The following GJB7 variants were observed in gnomAD, a reference collection of about 807,000 sequenced individuals.
GJB7 encodes the protein gap junction protein beta 7.
For missense variants in GJB7, 253 were observed against 256.8 expected, an observed-to-expected ratio of 0.99 and a Z score of 0.10; for synonymous variants, 87 against 95.2, an observed-to-expected ratio of 0.91 and a Z score of 0.50.
In GJB7 at chr6:87,284,165, T is replaced by C. The variant is rs1437927181; in HGVS notation, c.*76A>G. 1 of 1,211,338 alleles carries C rather than the reference T, an allele frequency of 8.3e-7. No individual in the cohort carries two copies. The highest frequency in any genetic ancestry group is 1.2e-6 in the Non-Finnish European group (1 of 847,040). The allele number at this position is 1,211,338 out of a possible 1,614,324, so 75.0% of individuals were successfully genotyped here. On this transcript the variant is annotated 3_prime_UTR_variant, in exon 3 of 3. Coordinates refer to ENST00000525899, the MANE Select transcript of GJB7 (RefSeq NM_198568.3). ...GCTTCAGGTAGAGGGAGTGTGTTTA[T>C]GGCCAAGTGTGAAGATTCTGGAGTA...
At chr6:87,299,435 T>C in intron 2 of GJB7, 12 of 462,656 alleles carry the variant, frequency 2.6e-5, no homozygotes, top group South Asian at 2.0e-4. Flanking sequence ...CCATACTTTA[T>C]TAATACGTCA....
chr6:87,310,501 C>T (rs536575599), intron 2 of GJB7, among the ~76,000 whole-genome samples: 1 of 152,006 alleles, frequency 6.6e-6, no homozygotes, highest in African/African-American at 2.4e-5. Context: ...AAAACATAAA[C>T]AAGTGTGGGA....
rs192602879 is a variant in GJB7 at position 87,284,769 on chromosome 6, C to T, written c.144G>A (p.Gln48=). The T allele has an allele frequency of 1.1e-4, 175 of 1,614,144 alleles. No individual in the cohort carries two copies. The highest frequency in any genetic ancestry group is 1.4e-4 in the Non-Finnish European group (166 of 1,180,028). The change falls in exon 3 of 3, where the codon CAG becomes CAA. Residue 48 remains glutamine (Q), a synonymous_variant. Transcript: ENST00000525899. ...GTCTACTGTTGCACTCAAACTCTTT[C>T]TGCTCATCTTTCCACACGTGCTCTG... ...VAAEHVWKDE[Q]KEFECNSRQP...
chr6:87,322,105 A>AT (rs1776675766), intron 2 of GJB7, among the ~76,000 whole-genome samples: 1 of 152,150 alleles, frequency 6.6e-6, no homozygotes, highest in Non-Finnish European at 1.5e-5. Context: ...CAGCATCCCT[A>AT]TATCTATTCT....
intron 2 of GJB7, among the ~76,000 whole-genome samples, chr6:87,312,548 G>A (rs374421470): frequency 2.0e-5 from 3 of 150,492 alleles, no homozygotes; most frequent in African/African-American, 7.3e-5. Context: ...AGGTGGTCAA[G>A]GCAAAGCTCT....
chr6:87,307,081 G>T lies in GJB7; in HGVS notation c.-28+15785C>A, dbSNP rs189670084. ...GGAGACATACCTAATGCTAAATGAC[G>T]AGTTAATGGGTGCAGCACACCAGCA... On this transcript the variant is annotated intron_variant, in intron 2 of 2. Transcript: ENST00000525899. Among the ~76,000 whole-genome samples the T allele has an allele frequency of 1.3e-4, 20 of 151,856 alleles. 1 individual carries two copies. In the East Asian group the frequency reaches 3.9e-3, roughly 29 times the overall value.
At chr6:87,325,216 G>A (rs1269170573) in intron 1 of GJB7, among the ~76,000 whole-genome samples, 1 of 151,430 alleles carries the variant, frequency 6.6e-6, no homozygotes, top group East Asian at 1.9e-4. Context: ...CTGCAAACAC[G>A]GACAATTTGA....
At chr6:87,286,676 GA>G in intron 2 of GJB7, among the ~76,000 whole-genome samples, 1 of 152,268 alleles carries the variant, frequency 6.6e-6, no homozygotes, top group East Asian at 1.9e-4. Context: ...GGATGGGCCT[GA>G]TTCATTGTTT....
At chr6:87,321,499 C>G (rs77793222) in intron 2 of GJB7, among the ~76,000 whole-genome samples, 5,659 of 152,128 alleles carry the variant, frequency 0.037, 356 homozygotes, top group African/African-American at 0.13. Context: ...TAACCTCCAA[C>G]GGGAGGAAGG....
intron 1 of GJB7, among the ~76,000 whole-genome samples, chr6:87,324,221 G>C (rs1776758711): frequency 6.6e-6 from 1 of 152,086 alleles, no homozygotes; most frequent in Non-Finnish European, 1.5e-5. Context: ...CCATTTTGTA[G>C]GTTGCCTGTT....
At chr6:87,291,339 C>T (rs140233166) in intron 2 of GJB7, among the ~76,000 whole-genome samples, 65 of 152,198 alleles carry the variant, frequency 4.3e-4, no homozygotes, top group African/African-American at 8.4e-4. Context: ...AAAAACACTT[C>T]GACACTAGGA....
chr6:87,320,412 C>T (rs1776639037), intron 2 of GJB7, among the ~76,000 whole-genome samples: 1 of 152,102 alleles, frequency 6.6e-6, no homozygotes, highest in Non-Finnish European at 1.5e-5. Context: ...AAACCCATGC[C>T]AAAATATTGG....
At chr6:87,285,804 A>C (rs1776050828) in intron 2 of GJB7, among the ~76,000 whole-genome samples, 1 of 151,752 alleles carries the variant, frequency 6.6e-6, no homozygotes, top group African/African-American at 2.4e-5. Flanking sequence ...CCTCATTTCT[A>C]CTTCCTCAAC....
chr6:87,304,235 A>G (rs973003564), intron 2 of GJB7, among the ~76,000 whole-genome samples: 16 of 152,212 alleles, frequency 1.1e-4, no homozygotes, highest in Non-Finnish European at 7.3e-5. Context: ...CAATGAATCC[A>G]GGAGCTGGTT....
intron 2 of GJB7, among the ~76,000 whole-genome samples, chr6:87,313,312 T>C (rs748164089): frequency 1.3e-5 from 2 of 152,242 alleles, no homozygotes; most frequent in Non-Finnish European, 2.9e-5. Flanking sequence ...TCAGTTTTAT[T>C]TGAGGCATTA....
In GJB7 at chr6:87,284,284, C is replaced by T. The variant is rs2127895043; in HGVS notation, c.629G>A (p.Cys210Tyr). The part of the protein sequence containing the change: ...FLVLKCFIKC[C>Y]LQKYLKKPQV... ...AGGTTTTTTTAAATATTTTTGGAGA[C>T]AGCACTTAATAAAGCACTTGAGAAC... The change falls in exon 3 of 3, where the codon TGT becomes TAT. Residue 210 changes from cysteine (C) to tyrosine (Y), a missense_variant. Transcript: ENST00000525899. 2.5e-6 allele frequency: 4 copies of T among 1,613,830 alleles called. No homozygotes were observed. The South Asian group carries it at 3.3e-5, about 13-fold the overall frequency.
intron 2 of GJB7, among the ~76,000 whole-genome samples, chr6:87,317,256 C>T (rs1250263026): frequency 2.0e-5 from 3 of 151,316 alleles, no homozygotes; most frequent in African/African-American, 7.3e-5. Flanking sequence ...TCCAGATACT[C>T]AGGAGGCTGA....
chr6:87,316,199 G>A (rs188420259), intron 2 of GJB7, among the ~76,000 whole-genome samples: 194 of 152,226 alleles, frequency 1.3e-3, no homozygotes, highest in African/African-American at 4.5e-3. Context: ...GGAAATGATC[G>A]CCTTTCCTAT....
At chr6:87,303,151 G>C (rs528515728) in intron 2 of GJB7, among the ~76,000 whole-genome samples, 2 of 152,304 alleles carry the variant, frequency 1.3e-5, no homozygotes, top group South Asian at 2.1e-4. Context: ...ACATCATAAT[G>C]ACAGGATCAA....
Sources: gnomAD v4.1 joint callset for allele counts (sites outside exome capture counted in the v4.1 genomes callset) on GRCh38, gnomAD v4.1.1 for gene constraint, MANE v1.5 for transcripts, NCBI Gene and HGNC (gene_info 2026-07-23, HGNC 2026-07-21) for gene names.